The following PXN variants were observed in gnomAD, a reference collection of about 807,000 sequenced individuals.
The protein encoded by PXN is testicular tissue protein Li 134.
PXN carries 61 observed loss-of-function variants against 103.6 expected under a neutral mutation model. The observed-to-expected ratio is 0.59, with a 90% CI of 0.48 to 0.73. The LOEUF (loss-of-function observed/expected upper bound fraction) is 0.73. Ranked by LOEUF, PXN falls within the 30% of genes least tolerant of loss-of-function variation. The pLI is 0.00. For missense variants in PXN, 1,274 were observed against 1,460.3 expected, an observed-to-expected ratio of 0.87 and a Z score of 2.08; for synonymous variants, 562 against 607.8, an observed-to-expected ratio of 0.92 and a Z score of 1.11.
chr12:120,263,255 CA>C (rs1229186671), intron 1 of PXN, among the ~76,000 whole-genome samples: 1 of 152,226 alleles, frequency 6.6e-6, no homozygotes, highest in Non-Finnish European at 1.5e-5. Context: ...GACGGGGCCC[CA>C]GTGCAAAGGC....
At chr12:120,261,175 C>A (rs772664916) in intron 1 of PXN, among the ~76,000 whole-genome samples, 1 of 152,152 alleles carries the variant, frequency 6.6e-6, no homozygotes, top group Admixed American at 6.6e-5. Context: ...ATAATAAGAG[C>A]TCAATAAATA....
Position 120,215,720 on chromosome 12 carries a change from A to G in PXN, c.2302-59T>C. 6.6e-7 allele frequency: 1 copy of G among 1,514,112 alleles called. No individual in the cohort carries two copies. The allele number at this position is 1,514,112 out of a possible 1,614,324, so 93.8% of individuals were successfully genotyped here. A position where few individuals can be genotyped will look rare whatever the true frequency, so the allele number is the denominator to read the frequency against. On this transcript the variant is annotated intron_variant, in intron 9 of 14. Coordinates refer to ENST00000637617, the MANE Select transcript of PXN (RefSeq NM_001385981.1). This position sits in a 1 kb window ranked among gnomAD's most constrained non-coding sequence, Gnocchi z 4.9. ...TTTTTTAAAAATTAAGAAAGAATAC[A>G]AGACCTTGTCACTGGACTAAAAGGG... is the stretch of plus-strand genomic sequence containing the variant.
At chr12:120,256,275 T>C (rs2136675428) in intron 1 of PXN, among the ~76,000 whole-genome samples, 1 of 151,872 alleles carries the variant, frequency 6.6e-6, no homozygotes, top group African/African-American at 2.4e-5. Context: ...CCAGGCATGG[T>C]GGCACGTGCC....
rs1309414718 is a variant in PXN, at chr12:120,213,387, GAAAAGA to G, written c.2979+449_2979+454del. Among the ~76,000 whole-genome samples, 2 of 110,932 alleles carry G rather than the reference GAAAAGA, an allele frequency of 1.8e-5. No homozygotes were observed. The highest frequency in any genetic ancestry group is 1.3e-3 in the East Asian group (2 of 1,572). 72.8% of individuals were successfully genotyped at this position (110,932 alleles called of 152,430 possible). A position where few individuals can be genotyped will look rare whatever the true frequency, so the allele number is the denominator to read the frequency against. On this transcript the variant is annotated intron_variant, in intron 14 of 14. Transcript: ENST00000637617. This position sits in a 1 kb window ranked among gnomAD's most constrained non-coding sequence, Gnocchi z 4.2. ...AGAGTGAGACTCCGTCTCAAAAAAA[GAAAAGA>G]AAAGAAAAGGCTCTGAGAAGTCCTG... is the stretch of plus-strand genomic sequence containing the variant.
chr12:120,252,592 C>T (rs180754010), intron 1 of PXN, among the ~76,000 whole-genome samples: 2 of 152,188 alleles, frequency 1.3e-5, no homozygotes, highest in East Asian at 3.9e-4. Context: ...AAGATACCCC[C>T]TAGATCTGGC....
chr12:120,252,928 G>T (rs561341177), intron 1 of PXN, among the ~76,000 whole-genome samples: 1 of 151,260 alleles, frequency 6.6e-6, no homozygotes, highest in South Asian at 2.1e-4. Context: ...AACCCAGGAG[G>T]CGGAGGTTGC....
chr12:120,224,406 G>A lies in PXN; in HGVS notation c.14-29C>T, dbSNP rs377665208. 9.0e-5 allele frequency: 140 copies of A among 1,547,888 alleles called. 1 individual carries two copies. Among genetic ancestry groups the A allele is most frequent in the South Asian group, 2.0e-4 (18 of 89,750 alleles). On this transcript the variant is annotated intron_variant, in intron 1 of 14. Coordinates refer to ENST00000637617, the MANE Select transcript of PXN (RefSeq NM_001385981.1). The surrounding 1 kb of genome is among the most constrained non-coding windows in gnomAD (Gnocchi z 5.0). ...CAAAGAGAAGGCACGGGTAGCAGGT[G>A]AGAACCGGGATCCTGGGGACTCTCC...
At position 120,220,605 on chromosome 12, in the gene PXN, G is replaced by A. The variant is rs1884823876; in HGVS notation, c.832-514C>T. Among the ~76,000 whole-genome samples, 1 of 152,222 alleles carries A rather than the reference G, an allele frequency of 6.6e-6. No individual in the cohort carries two copies. Among genetic ancestry groups the A allele is most frequent in the Admixed American group, 6.5e-5 (1 of 15,286 alleles). Reference sequence around the variant, plus strand: ...TGGCATCAGGACACAGGCTGTCTGAGAAAACGGCAGCCTTAAAAGCACCGG... The same window carrying A: ...TGGCATCAGGACACAGGCTGTCTGAAAAAACGGCAGCCTTAAAAGCACCGG... On this transcript the variant is annotated intron_variant, in intron 6 of 14. Transcript: ENST00000637617. This position sits in a 1 kb window ranked among gnomAD's most constrained non-coding sequence, Gnocchi z 6.1.
chr12:120,248,979 A>G (rs1235389864), intron 1 of PXN, among the ~76,000 whole-genome samples: 1 of 151,978 alleles, frequency 6.6e-6, no homozygotes, highest in East Asian at 1.9e-4. Flanking sequence ...TCTACTAAAA[A>G]TACAAAACTT....
Position 120,225,123 on chromosome 12 carries a change from T to C in PXN, c.14-746A>G, listed in dbSNP as rs577736172. 7.2e-4 allele frequency: 142 copies of C among 195,942 alleles called. 1 individual carries two copies. Among genetic ancestry groups the C allele is most frequent in the African/African-American group, 3.2e-3 (139 of 43,086 alleles). The allele number at this position is 195,942 out of a possible 1,614,324, so 12.1% of individuals were successfully genotyped here. On this transcript the variant is annotated intron_variant, in intron 1 of 14. Transcript: ENST00000637617. The surrounding 1 kb of genome is among the most constrained non-coding windows in gnomAD (Gnocchi z 4.4). ...CGGCAAGGGAGCCAAATCAGCCCTC[T>C]AGTGTAAGCTTCCATTACCCTGGCA...
intron 1 of PXN, among the ~76,000 whole-genome samples, chr12:120,264,961 G>A (rs1378347792): frequency 6.6e-6 from 1 of 152,092 alleles, no homozygotes; most frequent in Non-Finnish European, 1.5e-5. Flanking sequence ...TTTGAAGTGG[G>A]GGGTCAGAAG....
chr12:120,258,457 GTC>G, intron 1 of PXN, among the ~76,000 whole-genome samples: 1 of 152,240 alleles, frequency 6.6e-6, no homozygotes, highest in South Asian at 2.1e-4. Context: ...CCCAGCTACT[GTC>G]TCTGCTCACC....
chr12:120,231,113 G>A (rs1410247232), intron 1 of PXN, among the ~76,000 whole-genome samples: 2 of 152,178 alleles, frequency 1.3e-5, no homozygotes, highest in Non-Finnish European at 1.5e-5. Flanking sequence ...CTGATCCCAG[G>A]CCCAGCGGAT....
At chr12:120,236,353 C>T (rs890082388) in intron 1 of PXN, among the ~76,000 whole-genome samples, 4 of 152,238 alleles carry the variant, frequency 2.6e-5, no homozygotes, top group Middle Eastern at 3.4e-3. Context: ...GCTCTGTTAC[C>T]CAGGCTGGAG....
chr12:120,255,893 T>C (rs775789623), intron 1 of PXN, among the ~76,000 whole-genome samples: 29 of 115,496 alleles, frequency 2.5e-4, no homozygotes, highest in Non-Finnish European at 4.3e-4. Flanking sequence ...CTACCAAAAA[T>C]ACAAAATTAG....
At chr12:120,237,074 T>C (rs1889189487) in intron 1 of PXN, among the ~76,000 whole-genome samples, 1 of 151,862 alleles carries the variant, frequency 6.6e-6, no homozygotes, top group African/African-American at 2.4e-5. Context: ...AGTGCTAGGA[T>C]TACGGGCATG....
Position 120,221,879 on chromosome 12 carries a change from C to T in PXN, c.696-121G>A. 1 of 1,373,366 alleles carries T rather than the reference C, an allele frequency of 7.3e-7. No individual in the cohort carries two copies. Among genetic ancestry groups the T allele is most frequent in the African/African-American group, 1.4e-5 (1 of 69,230 alleles). The allele number at this position is 1,373,366 out of a possible 1,614,324, so 85.1% of individuals were successfully genotyped here. On this transcript the variant is annotated intron_variant, in intron 5 of 14. Transcript: ENST00000637617. The surrounding 1 kb of genome is among the most constrained non-coding windows in gnomAD (Gnocchi z 6.6). ...CCATCCCCAACCCCAGGGAGGTCCA[C>T]CAGCTCCCTGTCTCTCCTGGGGACC... is the stretch of plus-strand genomic sequence containing the variant.
Position 120,215,111 on chromosome 12 carries a change from C to T in PXN, c.2566G>A (p.Ala856Thr), listed in dbSNP as rs767287341. 2.5e-6 allele frequency: 4 copies of T among 1,577,552 alleles called. No homozygotes were observed. The highest frequency in any genetic ancestry group is 2.4e-5 in the South Asian group (2 of 85,062). The change falls in exon 11 of 15, where the codon GCC becomes ACC. Residue 856 changes from alanine to threonine, a missense_variant. Ala to Thr is a moderately conservative substitution (Grantham distance 58, BLOSUM62 0). Around this residue, in one of 2 missense-constraint regions of PXN, gnomAD observed 1,178 missense variants for 1,309.0 expected, o/e 0.90. Transcript: ENST00000637617. The surrounding 1 kb of genome is among the most constrained non-coding windows in gnomAD (Gnocchi z 4.9). ...CCACTCCCCCTCATCACCTGCCCGG[C>T]GATGGGCTTCTTGCAGGCCCCGCAG... ...GVCGACKKPI[A>T]GQVVTAMGKT...
At chr12:120,242,380 T>C (rs928836535) in intron 1 of PXN, among the ~76,000 whole-genome samples, 5 of 151,966 alleles carry the variant, frequency 3.3e-5, no homozygotes, top group African/African-American at 1.2e-4. Flanking sequence ...GCCAGCCCCA[T>C]CTCTGACAGC....
Sources: allele counts gnomAD v4.1 joint callset (sites outside exome capture counted in the v4.1 genomes callset), GRCh38; gene constraint gnomAD v4.1.1; regional missense constraint gnomAD v4.1.1; non-coding constraint Gnocchi (gnomAD v3.1); transcripts MANE v1.5; gene names NCBI Gene and HGNC (gene_info 2026-07-23, HGNC 2026-07-21).